PRKCB: variants seen among roughly 807,000 people sequenced by gnomAD.
The protein encoded by PRKCB is protein kinase C beta.
Under a neutral mutation model 81.5 loss-of-function variants are expected in PRKCB, and 13 were observed. The observed-to-expected ratio is 0.16, with a 90% CI of 0.10 to 0.25. PRKCB has a LOEUF of 0.25. PRKCB is among the 10% of genes least tolerant of loss of function. The pLI is 1.00. For synonymous variants in PRKCB, 335 were observed against 321.4 expected (o/e 1.04, Z -0.45); for missense variants, 509 against 875.7 (o/e 0.58, Z 5.29).
rs1475302456 is a variant in PRKCB at position 24,044,208 on chromosome 16, A to T, written c.529+8661A>T. Among the ~76,000 whole-genome samples, 3 of 152,096 alleles carry T rather than the reference A, an allele frequency of 2.0e-5. No individual in the cohort carries two copies. In the East Asian group the frequency reaches 5.8e-4, roughly 29 times the overall value. On this transcript the variant is annotated intron_variant, in intron 5 of 16. Transcript: ENST00000643927. ...CGTCTCTACTAAAAAAAATCCAAAA[A>T]ATTAGCTGGGTATGGTGGTGCATGC...
At chr16:23,914,690 G>A (rs1466623307) in intron 2 of PRKCB, among the ~76,000 whole-genome samples, 2 of 152,134 alleles carry the variant, frequency 1.3e-5, no homozygotes, top group African/African-American at 4.8e-5. Context: ...CCTTAGAACA[G>A]GGAGCTTTCA....
intron 8 of PRKCB, among the ~76,000 whole-genome samples, chr16:24,121,917 C>T (rs1966802813): frequency 6.6e-6 from 1 of 152,146 alleles, no homozygotes. Flanking sequence ...TCACCAAATG[C>T]AAATTAAGTG....
rs538997458 is a variant in PRKCB, at chr16:24,210,252, G to A, written c.1864-4406G>A. The stretch of plus-strand genomic sequence containing the variant: ...GCCATCAAGGACCCTGCTCTGGCTC[G>A]TGGCCCGCTGTGTGGCCCCTTGGTC... On this transcript the variant is annotated intron_variant, in intron 16 of 16. Coordinates refer to ENST00000643927, the MANE Select transcript of PRKCB (RefSeq NM_002738.7). Among the ~76,000 whole-genome samples the A allele has an allele frequency of 1.6e-4, 25 of 152,194 alleles. No individual in the cohort carries two copies. In the East Asian group the frequency reaches 3.1e-3, roughly 19 times the overall value.
At chr16:23,895,496 T>C (rs1189371916) in intron 2 of PRKCB, among the ~76,000 whole-genome samples, 10 of 152,210 alleles carry the variant, frequency 6.6e-5, no homozygotes, top group Middle Eastern at 3.2e-3. Flanking sequence ...TGTCAAAAAT[T>C]GGATAGTATG....
chr16:24,204,197 G>A (rs1272917298), intron 16 of PRKCB, among the ~76,000 whole-genome samples: 1 of 152,078 alleles, frequency 6.6e-6, no homozygotes, highest in African/African-American at 2.4e-5. Context: ...CACCCTACAA[G>A]AAACTTGAGC....
chr16:24,214,909 C>A lies in PRKCB; in HGVS notation c.*93C>A. 6.4e-7 allele frequency: 1 copy of A among 1,554,870 alleles called. No individual in the cohort carries two copies. The highest frequency in any genetic ancestry group is 1.4e-5 in the African/African-American group (1 of 73,786). On this transcript the variant is annotated 3_prime_UTR_variant, in exon 17 of 17. Coordinates refer to ENST00000643927, the MANE Select transcript of PRKCB (RefSeq NM_002738.7). ...TATGTTTTTCATTGCCAAGTTGCAT[C>A]CATGTTTGATTTTCTGATGAGACTA... is the stretch of plus-strand genomic sequence containing the variant.
intron 2 of PRKCB, among the ~76,000 whole-genome samples, chr16:23,944,767 C>T (rs1025631991): frequency 4.6e-5 from 7 of 152,214 alleles, no homozygotes; most frequent in Non-Finnish European, 1.0e-4. Flanking sequence ...CTCATAAACT[C>T]TCATGGGTTT....
At chr16:24,030,309 C>T (rs960905808) in intron 3 of PRKCB, among the ~76,000 whole-genome samples, 1 of 151,574 alleles carries the variant, frequency 6.6e-6, no homozygotes, top group Non-Finnish European at 1.5e-5. Flanking sequence ...GAGCCAAAGG[C>T]TTACAAAGGG....
chr16:23,853,267 C>G (rs1224072977), intron 2 of PRKCB, among the ~76,000 whole-genome samples: 1 of 152,228 alleles, frequency 6.6e-6, no homozygotes, highest in Non-Finnish European at 1.5e-5. Flanking sequence ...GAGTTTATTT[C>G]TTACTCATGT....
At chr16:23,866,044 TGAAA>T (rs10583306) in intron 2 of PRKCB, among the ~76,000 whole-genome samples, 147,007 of 152,098 alleles carry the variant, frequency 0.97, 71,077 homozygotes, top group East Asian at 1. Flanking sequence ...CACACCTAAG[TGAAA>T]GAAAGTAGGA....
intron 2 of PRKCB, among the ~76,000 whole-genome samples, chr16:23,864,345 C>T (rs941258150): frequency 6.6e-6 from 1 of 152,118 alleles, no homozygotes; most frequent in Non-Finnish European, 1.5e-5. Context: ...CAATCCCAGT[C>T]TTTTGGGAAG....
At chr16:24,206,140 T>G (rs1968042132) in intron 16 of PRKCB, among the ~76,000 whole-genome samples, 1 of 152,210 alleles carries the variant, frequency 6.6e-6, no homozygotes, top group East Asian at 1.9e-4. Context: ...GTAAGGGACC[T>G]TCATTATTAG....
intron 2 of PRKCB, among the ~76,000 whole-genome samples, chr16:23,885,458 G>C (rs776479981): frequency 1.1e-4 from 17 of 152,016 alleles, no homozygotes; most frequent in Non-Finnish European, 2.4e-4. Flanking sequence ...ATAGGCGCCC[G>C]CCACCACGCC....
At chr16:24,149,625 C>T (rs1185074607) in intron 9 of PRKCB, among the ~76,000 whole-genome samples, 1 of 152,174 alleles carries the variant, frequency 6.6e-6, no homozygotes, top group Non-Finnish European at 1.5e-5. Flanking sequence ...CAGCCCAGAG[C>T]TCCTGAAGGA....
At chr16:23,915,297 C>T (rs1276124477) in intron 2 of PRKCB, among the ~76,000 whole-genome samples, 1 of 152,168 alleles carries the variant, frequency 6.6e-6, no homozygotes, top group Non-Finnish European at 1.5e-5. Flanking sequence ...TTTCTGGCGG[C>T]CCCTATGCTG....
intron 5 of PRKCB, among the ~76,000 whole-genome samples, chr16:24,059,024 T>C (rs1051998516): frequency 3.3e-5 from 5 of 152,078 alleles, no homozygotes; most frequent in Non-Finnish European, 2.9e-5. Flanking sequence ...GGAAGACATG[T>C]GGATAGTGAG....
At chr16:23,896,949 C>T (rs540577460) in intron 2 of PRKCB, among the ~76,000 whole-genome samples, 26 of 152,138 alleles carry the variant, frequency 1.7e-4, no homozygotes, top group Middle Eastern at 3.4e-3. Context: ...TTCATCCATC[C>T]ATCCACCCAC....
At position 23,836,063 on chromosome 16, in the gene PRKCB, C is replaced by G. The variant is rs1172813169; in HGVS notation, c.-113C>G. On this transcript the variant is annotated 5_prime_UTR_variant, in exon 1 of 17. Transcript: ENST00000643927. Reference sequence around the variant, plus strand: ...CCAGAGCCGGCGCAGGGGAAGCGCCCGCGGCCCCGGGTGCAGCAGCGGCCG... The same window carrying G: ...CCAGAGCCGGCGCAGGGGAAGCGCCGGCGGCCCCGGGTGCAGCAGCGGCCG... The G allele has an allele frequency of 1.3e-6, 1 of 780,476 alleles. No homozygotes were observed. Among genetic ancestry groups the G allele is most frequent in the African/African-American group, 1.9e-5 (1 of 52,646 alleles). The allele number at this position is 780,476 out of a possible 1,614,324, so 48.3% of individuals were successfully genotyped here.
chr16:23,955,566 G>T (rs1046735605), intron 2 of PRKCB, among the ~76,000 whole-genome samples: 1 of 152,206 alleles, frequency 6.6e-6, no homozygotes, highest in Non-Finnish European at 1.5e-5. Flanking sequence ...TCCCCTGGGG[G>T]TTACTGCCCA....
Sources: gnomAD v4.1 joint callset for allele counts (sites outside exome capture counted in the v4.1 genomes callset) on GRCh38, gnomAD v4.1.1 for gene constraint, MANE v1.5 for transcripts, NCBI Gene and HGNC (gene_info 2026-07-23, HGNC 2026-07-21) for gene names.